Variants in CIMAP2 observed in about 807,000 individuals in gnomAD.
The protein encoded by CIMAP2 is ciliary microtubule-associated protein 2.
chr1:54,816,305 C>G, the CIMAP2 span, among the ~76,000 whole-genome samples: 1 of 152,184 alleles, frequency 6.6e-6, no homozygotes, highest in Admixed American at 6.5e-5. Flanking sequence ...AACATCTCCC[C>G]AGCCCACCCC....
At chr1:54,829,187 G>T in the CIMAP2 span, among the ~76,000 whole-genome samples, 1 of 152,152 alleles carries the variant, frequency 6.6e-6, no homozygotes, top group East Asian at 1.9e-4. Flanking sequence ...TACAAATAGA[G>T]GACAAGAGCT....
the CIMAP2 span, among the ~76,000 whole-genome samples, chr1:54,810,069 T>C: frequency 6.6e-6 from 1 of 152,034 alleles, no homozygotes; most frequent in Non-Finnish European, 1.5e-5. Context: ...AGGAAGAAAA[T>C]AGGATTATCC....
the CIMAP2 span, chr1:54,816,969 C>A: frequency 6.2e-7 from 1 of 1,613,904 alleles, no homozygotes; most frequent in Non-Finnish European, 8.5e-7. Context: ...TAATGTCCTG[C>A]CATCCTCTCC....
At chr1:54,822,533 T>C in the CIMAP2 span, among the ~76,000 whole-genome samples, 1 of 152,354 alleles carries the variant, frequency 6.6e-6, no homozygotes, top group East Asian at 1.9e-4. Context: ...ACTTTTTTGA[T>C]GTAGGCATTT....
chr1:54,833,994 C>T, the CIMAP2 span, among the ~76,000 whole-genome samples: 1 of 152,158 alleles, frequency 6.6e-6, no homozygotes, highest in Non-Finnish European at 1.5e-5. Flanking sequence ...TGCATCACCA[C>T]AGCCGGCTAA....
chr1:54,815,537 T>A, the CIMAP2 span, among the ~76,000 whole-genome samples: 1 of 152,108 alleles, frequency 6.6e-6, no homozygotes, highest in Non-Finnish European at 1.5e-5. Flanking sequence ...AAGACCCCCT[T>A]CTGGCCCCTT....
At chr1:54,839,755 G>A in the CIMAP2 span, among the ~76,000 whole-genome samples, 2 of 152,012 alleles carry the variant, frequency 1.3e-5, no homozygotes, top group East Asian at 1.9e-4. Context: ...ATGAGGTTTT[G>A]TTGTTGTTTT....
the CIMAP2 span, among the ~76,000 whole-genome samples, chr1:54,825,096 C>G: frequency 0.22 from 27,403 of 127,116 alleles, 2,899 homozygotes; most frequent in Middle Eastern, 0.41. Flanking sequence ...GTCACCCAGG[C>G]TGGAGTGCAG....
At chr1:54,831,595 G>T in the CIMAP2 span, among the ~76,000 whole-genome samples, 1 of 151,918 alleles carries the variant, frequency 6.6e-6, no homozygotes. Context: ...GGAGGGTGCA[G>T]TGAGCCAAGA....
the CIMAP2 span, among the ~76,000 whole-genome samples, chr1:54,840,816 G>A: frequency 4.8e-4 from 73 of 152,188 alleles, no homozygotes; most frequent in Non-Finnish European, 9.0e-4. Context: ...TTAAACAAAT[G>A]GGCTGCTTAG....
At chr1:54,825,127 T>C in the CIMAP2 span, among the ~76,000 whole-genome samples, 5 of 139,786 alleles carry the variant, frequency 3.6e-5, no homozygotes, top group Admixed American at 3.2e-4. Context: ...CTTGGCTCAC[T>C]GCAAGCTCCG....
the CIMAP2 span, chr1:54,808,140 C>A: frequency 2.0e-6 from 2 of 1,015,640 alleles, no homozygotes; most frequent in Non-Finnish European, 2.8e-6. Flanking sequence ...TCCTAAGTGG[C>A]ATACACTGTC....
the CIMAP2 span, among the ~76,000 whole-genome samples, chr1:54,839,175 A>C: frequency 6.6e-6 from 1 of 152,102 alleles, no homozygotes; most frequent in Non-Finnish European, 1.5e-5. Context: ...AAGGAAAGGA[A>C]GCAAAAACTT....
At chr1:54,834,828 G>A in the CIMAP2 span, among the ~76,000 whole-genome samples, 60,347 of 152,080 alleles carry the variant, frequency 0.4, 12,754 homozygotes, top group African/African-American at 0.53. Flanking sequence ...GCATCATGTC[G>A]GTGCTCAAAA....
At chr1:54,834,287 C>T in the CIMAP2 span, among the ~76,000 whole-genome samples, 11 of 152,162 alleles carry the variant, frequency 7.2e-5, no homozygotes, top group Non-Finnish European at 1.3e-4. Context: ...CTTTCCAGCT[C>T]TGGTGTCTTG....
At chr1:54,806,172 C>T in the CIMAP2 span, 12,216 of 1,551,692 alleles carry the variant, frequency 7.9e-3, 475 homozygotes, top group East Asian at 0.11. Flanking sequence ...GTCGGCTCCA[C>T]GGCCACCAAG....
the CIMAP2 span, among the ~76,000 whole-genome samples, chr1:54,826,610 AC>A: frequency 6.6e-6 from 1 of 152,026 alleles, no homozygotes; most frequent in South Asian, 2.1e-4. Context: ...TGTCACATGT[AC>A]CCCCAGAAGT....
At chr1:54,811,765 G>GCGGGGGGGGGGCCCGCCCCCCC in the CIMAP2 span, 1 of 1,301,332 alleles carries the variant, frequency 7.7e-7, no homozygotes, top group Non-Finnish European at 1.1e-6. Context: ...GGTTCTGACA[G>GCGGGGGGGGGGCCCGCCCCCCC]CCTCCATGCC....
chr1:54,809,336 G>C, the CIMAP2 span, among the ~76,000 whole-genome samples: 1 of 152,148 alleles, frequency 6.6e-6, no homozygotes. Context: ...AATTACTCCT[G>C]ACAGGGTCTG....
Sources: gnomAD v4.1 joint callset for allele counts (sites outside exome capture counted in the v4.1 genomes callset) on GRCh38, gnomAD v4.1.1 for gene constraint, MANE v1.5 for transcripts, NCBI Gene and HGNC (gene_info 2026-07-23, HGNC 2026-07-21) for gene names.